The following GSDMC variants were observed in gnomAD, a reference collection of about 807,000 sequenced individuals.
GSDMC encodes the protein gasdermin C.
A neutral mutation model predicts 58.0 loss-of-function variants in GSDMC; 59 were observed. That is an observed-to-expected ratio of 1.02 (90% CI 0.82 to 1.26). The LOEUF is 1.26. Among genes scored for constraint, GSDMC ranks in the 50% most tolerant of loss-of-function variants. GSDMC has a pLI of 0.00. For synonymous variants in GSDMC, 241 were observed against 220.2 expected, an observed-to-expected ratio of 1.09 and a Z score of -0.83; for missense variants, 659 against 598.5, an observed-to-expected ratio of 1.10 and a Z score of -1.06.
intron 1 of GSDMC, 56 bp from the exon 2 acceptor site, chr8:129,777,647 C>G: frequency 1.1e-6 from 1 of 885,816 alleles, no homozygotes; most frequent in Non-Finnish European, 1.9e-6. Context: ...TGGTTAAACT[C>G]TCACCAATTA....
chr8:129,752,355 G>A (rs547278750), intron 7 of GSDMC, among the ~76,000 whole-genome samples: 10 of 152,266 alleles, frequency 6.6e-5, no homozygotes, highest in African/African-American at 2.4e-4. Flanking sequence ...CTATCCCAAT[G>A]TTCAAAGGAG....
At chr8:129,711,478 G>A in the GSDMC span, among the ~76,000 whole-genome samples, 2 of 152,156 alleles carry the variant, frequency 1.3e-5, no homozygotes, top group Non-Finnish European at 2.9e-5. Context: ...ACAAAACAGA[G>A]ACCATTTTTT....
At chr8:129,751,478 C>G (rs2033187328) in intron 10 of GSDMC, 64 bp downstream of exon 10, 57 of 1,391,964 alleles carry the variant, frequency 4.1e-5, no homozygotes, top group Non-Finnish European at 5.7e-5. Context: ...AAACCACCAA[C>G]TTGGGTGCTC....
At chr8:129,711,348 A>G in the GSDMC span, among the ~76,000 whole-genome samples, 1 of 152,172 alleles carries the variant, frequency 6.6e-6, no homozygotes, top group East Asian at 1.9e-4. Flanking sequence ...TCTTTTACAG[A>G]TGGGAAAACT....
chr8:129,739,652 T>C, the GSDMC span, among the ~76,000 whole-genome samples: 1 of 152,310 alleles, frequency 6.6e-6, no homozygotes. Flanking sequence ...TCTTCACATG[T>C]ATGTGGTGAT....
chr8:129,709,413 CT>C, the GSDMC span, among the ~76,000 whole-genome samples: 2 of 152,046 alleles, frequency 1.3e-5, no homozygotes, highest in African/African-American at 4.8e-5. Context: ...AAAAAGTTTC[CT>C]TTTGGCCTCA....
At chr8:129,714,810 T>A in the GSDMC span, among the ~76,000 whole-genome samples, 21 of 152,048 alleles carry the variant, frequency 1.4e-4, no homozygotes, top group Non-Finnish European at 2.8e-4. Flanking sequence ...TCAAAAGGAA[T>A]AAAACTTTGG....
At chr8:129,729,346 A>G in the GSDMC span, 1 of 461,618 alleles carries the variant, frequency 2.2e-6, no homozygotes, top group Admixed American at 2.8e-5. Context: ...GTTCTAGGGT[A>G]CATGTGCACA....
At chr8:129,754,471 C>G (rs2033350372) in intron 6 of GSDMC, among the ~76,000 whole-genome samples, 1 of 151,876 alleles carries the variant, frequency 6.6e-6, no homozygotes, top group South Asian at 2.1e-4. Flanking sequence ...CCTTTGAATA[C>G]CTGGAAAGCC....
In GSDMC at chr8:129,748,339, C is replaced by A. The variant is rs572930652; in HGVS notation, c.*162G>T. 44 of 601,840 alleles carry A rather than the reference C, an allele frequency of 7.3e-5. No homozygotes were observed. Among genetic ancestry groups the A allele is most frequent in the Admixed American group, 1.8e-4 (6 of 33,242 alleles). 37.3% of individuals were successfully genotyped at this position (601,840 alleles called of 1,614,324 possible). On this transcript the variant is annotated 3_prime_UTR_variant, in exon 14 of 14. Coordinates refer to ENST00000276708, the MANE Select transcript of GSDMC (RefSeq NM_031415.3). ...AACTCTTGTCAATATATAGAGTATT[C>A]CACCACCCCAAAACATTTCCTAAAG...
At chr8:129,753,011 G>A in intron 6 of GSDMC, 191 bp from the exon 7 acceptor site, 1 of 1,009,502 alleles carries the variant, frequency 9.9e-7, no homozygotes. Flanking sequence ...GGCAAGCCTT[G>A]CAAATGCCAG....
At chr8:129,734,399 G>A in the GSDMC span, among the ~76,000 whole-genome samples, 1 of 151,952 alleles carries the variant, frequency 6.6e-6, no homozygotes, top group African/African-American at 2.4e-5. Context: ...TGAAATGAAG[G>A]AAAAAAATGT....
At chr8:129,763,852 T>C (rs1236319415) in intron 4 of GSDMC, among the ~76,000 whole-genome samples, 1 of 152,210 alleles carries the variant, frequency 6.6e-6, no homozygotes, top group Non-Finnish European at 1.5e-5. Flanking sequence ...AGTGCTAGGA[T>C]TACAGGCATG....
intron 5 of GSDMC, among the ~76,000 whole-genome samples, chr8:129,761,292 A>G (rs2033651593): frequency 6.6e-6 from 1 of 152,132 alleles, no homozygotes; most frequent in South Asian, 2.1e-4. Context: ...CAACGGGCTC[A>G]AGTCTTCACC....
At chr8:129,737,443 A>G in the GSDMC span, among the ~76,000 whole-genome samples, 2 of 152,244 alleles carry the variant, frequency 1.3e-5, no homozygotes, top group African/African-American at 4.8e-5. Context: ...CAAAACAGAG[A>G]TGTAGACCAA....
intron 11 of GSDMC, 107 bp downstream of exon 11, chr8:129,750,324 C>T: frequency 8.1e-7 from 1 of 1,236,738 alleles, no homozygotes; most frequent in Non-Finnish European, 1.1e-6. Flanking sequence ...TCTCATTCCC[C>T]TGGCATCTTG....
At chr8:129,781,766 T>C (rs146919300) in intron 1 of GSDMC, among the ~76,000 whole-genome samples, 2,098 of 123,916 alleles carry the variant, frequency 0.017, 55 homozygotes, top group African/African-American at 0.062. Context: ...AAAAAAAAAA[T>C]AGCTAGAGAC....
At chr8:129,705,851 G>C in the GSDMC span, among the ~76,000 whole-genome samples, 1 of 152,128 alleles carries the variant, frequency 6.6e-6, no homozygotes, top group Non-Finnish European at 1.5e-5. Flanking sequence ...GGGCTATTTT[G>C]CCATCTTCAT....
the GSDMC span, among the ~76,000 whole-genome samples, chr8:129,733,775 C>T: frequency 2.2e-3 from 274 of 125,708 alleles, 1 homozygote; most frequent in African/African-American, 0.011. Context: ...CTCCAAAGGA[C>T]GACAGCTGGT....
Sources: gnomAD v4.1 joint callset for allele counts (sites outside exome capture counted in the v4.1 genomes callset) on GRCh38, gnomAD v4.1.1 for gene constraint, MANE v1.5 for transcripts, NCBI Gene and HGNC (gene_info 2026-07-23, HGNC 2026-07-21) for gene names.